The following KANK2 variants were observed in gnomAD, a reference collection of about 807,000 sequenced individuals.
The protein encoded by KANK2 is KN motif and ankyrin repeat domains 2.
KANK2 carries 41 observed loss-of-function variants against 74.6 expected under a neutral mutation model. The ratio of observed to expected loss-of-function variants is 0.55; its 90% confidence interval spans 0.43 to 0.71. KANK2 has a LOEUF of 0.71. KANK2 is among the 30% of genes least tolerant of loss of function. The probability of loss-of-function intolerance (pLI) is 0.00; values close to 1 mark genes in which losing one functional copy is unlikely to be tolerated. For synonymous variants in KANK2, 537 were observed against 519.0 expected, an observed-to-expected ratio of 1.03 and a Z score of -0.47; for missense variants, 1,148 against 1,196.4, an observed-to-expected ratio of 0.96 and a Z score of 0.60.
intron 4 of KANK2, among the ~76,000 whole-genome samples, chr19:11,191,644 C>A (rs1333888130): frequency 6.6e-6 from 1 of 152,234 alleles, no homozygotes; most frequent in Non-Finnish European, 1.5e-5. Flanking sequence ...GGATCTCCCT[C>A]TCCACTAAAC....
At chr19:11,183,708 T>G (rs1600817523) in intron 4 of KANK2, among the ~76,000 whole-genome samples, 2 of 150,302 alleles carry the variant, frequency 1.3e-5, no homozygotes, top group Admixed American at 6.7e-5. Flanking sequence ...TGAAGTGGAG[T>G]GGAGCCATCT....
intron 4 of KANK2, chr19:11,192,431 CTT>C (rs34285924): frequency 0.013 from 2,022 of 158,820 alleles, 4 homozygotes; most frequent in African/African-American, 0.029. Context: ...CCTTGGCATT[CTT>C]TTTTTTTTTT....
At chr19:11,173,223 C>G (rs1213557536) in intron 9 of KANK2, 100 bp from the exon 10 acceptor site, 1 of 1,266,396 alleles carries the variant, frequency 7.9e-7, no homozygotes, top group African/African-American at 1.5e-5. Flanking sequence ...TAGGCATGCC[C>G]TAATCCCTCC....
intron 7 of KANK2, among the ~76,000 whole-genome samples, 156 bp downstream of exon 7, chr19:11,176,422 C>T (rs1392082823): frequency 6.6e-6 from 1 of 152,222 alleles, no homozygotes; most frequent in Non-Finnish European, 1.5e-5. Context: ...TCCAGAACTT[C>T]AGATGCCCAG....
chr19:11,175,997 G>A lies in KANK2; in HGVS notation c.1761-8C>T. Reference sequence around the variant, plus strand: ...TCAGGGCTTAGCTCCATCCTGCCAGGAACAGACAAAGCGGGGAACTAAGTA... The same window carrying A: ...TCAGGGCTTAGCTCCATCCTGCCAGAAACAGACAAAGCGGGGAACTAAGTA... On this transcript the variant is annotated splice_polypyrimidine_tract_variant and splice_region_variant and intron_variant, in intron 7 of 12. Transcript: ENST00000586659. 2 of 1,611,580 alleles carry A rather than the reference G, an allele frequency of 1.2e-6. No individual in the cohort carries two copies. The highest frequency in any genetic ancestry group is 1.7e-6 in the Non-Finnish European group (2 of 1,178,342).
intron 3 of KANK2, 50 bp downstream of exon 3, chr19:11,194,425 C>T: frequency 6.6e-7 from 1 of 1,521,120 alleles, no homozygotes; most frequent in African/African-American, 1.4e-5. Context: ...CCTCAGGCCT[C>T]CAGAACTGAA....
rs1375608391 is a variant in KANK2, at chr19:11,164,639, A to G, written c.*1919T>C. On this transcript the variant is annotated 3_prime_UTR_variant, in exon 13 of 13. Coordinates refer to ENST00000586659, the MANE Select transcript of KANK2 (RefSeq NM_001136191.3). The stretch of plus-strand genomic sequence containing the variant: ...CTGCGACCTTCCCCCTCAGACACCC[A>G]CAATTAATTGTTTCCAATCAGCTTT... The G allele has an allele frequency of 3.3e-5, 5 of 152,072 alleles. No homozygotes were observed. Among genetic ancestry groups the G allele is most frequent in the Non-Finnish European group, 7.4e-5 (5 of 68,024 alleles). The allele number at this position is 152,072 out of a possible 1,614,324, so 9.4% of individuals were successfully genotyped here.
chr19:11,172,494 C>T (rs2078205962), intron 10 of KANK2, among the ~76,000 whole-genome samples: 1 of 152,086 alleles, frequency 6.6e-6, no homozygotes, highest in African/African-American at 2.4e-5. Context: ...TCATAAGCCC[C>T]AGTCACCTCC....
rs745802709 is a variant in KANK2 at position 11,193,819 on chromosome 19, C to T, written c.261G>A (p.Leu87=). ...GGCTGTCCCCACTGGCATTGGAGCA[C>T]AGCGACTCAGTGGACGTCCACCAGG... ...PGSWWTSTES[L]CSNASGDSRH... Residue 87 remains leucine, a synonymous_variant, in exon 4 of 13, where the codon CTG becomes CTA. Transcript: ENST00000586659. The surrounding 1 kb of genome is among the most constrained non-coding windows in gnomAD (Gnocchi z 9.6). 1 of 1,612,686 alleles carries T rather than the reference C, an allele frequency of 6.2e-7. No individual in the cohort carries two copies. Among genetic ancestry groups the T allele is most frequent in the Non-Finnish European group, 8.5e-7 (1 of 1,179,644 alleles).
Position 11,174,210 on chromosome 19 carries a change from G to A in KANK2, c.2068+263C>T, listed in dbSNP as rs390458. Among the ~76,000 whole-genome samples, 79,951 of 151,970 alleles carry A rather than the reference G, an allele frequency of 0.53. 21,555 individuals are homozygous for A. The highest frequency in any genetic ancestry group is 0.58 in the Non-Finnish European group (39,302 of 67,916). On this transcript the variant is annotated intron_variant, in intron 9 of 12. Transcript: ENST00000586659. Reference sequence around the variant, plus strand: ...GGCATCTCCTCCATCAGACTGGGAGGGCCATATACCCCACCCCATTGAACT... The same window carrying A: ...GGCATCTCCTCCATCAGACTGGGAGAGCCATATACCCCACCCCATTGAACT...
chr19:11,176,383 A>G (rs750405321), intron 7 of KANK2, among the ~76,000 whole-genome samples, 195 bp downstream of exon 7: 1 of 152,202 alleles, frequency 6.6e-6, no homozygotes, highest in Non-Finnish European at 1.5e-5. Context: ...GCAGCCCAAA[A>G]TAGTTCCACC....
intron 6 of KANK2, among the ~76,000 whole-genome samples, chr19:11,177,861 C>G (rs75395371): frequency 1.6e-4 from 24 of 152,098 alleles, no homozygotes; most frequent in African/African-American, 5.6e-4. Context: ...TGTGCCCCTG[C>G]CAGAAGAGCC....
chr19:11,192,998 C>G lies in KANK2; in HGVS notation c.1082G>C (p.Gly361Ala). 2.5e-6 allele frequency: 4 copies of G among 1,613,898 alleles called. No individual in the cohort carries two copies. Among genetic ancestry groups the G allele is most frequent in the Non-Finnish European group, 3.4e-6 (4 of 1,179,948 alleles). ...CATTGCCAGGGCCCTCAGCCCTGTG[C>G]CGTAAGGCTCCAGGCTCTGGGCCCG... ...AQRAQSLEPY[G>A]TGLRALAMPG... Residue 361 changes from glycine (G) to alanine (A), a missense_variant, in exon 4 of 13, where the codon GGC becomes GCC. Transcript: ENST00000586659.
At chr19:11,178,003 C>T (rs187759310) in intron 6 of KANK2, among the ~76,000 whole-genome samples, 29 of 152,252 alleles carry the variant, frequency 1.9e-4, no homozygotes, top group South Asian at 6.2e-4. Context: ...TTCCCCATCA[C>T]GGCTCCAACC....
At chr19:11,185,972 A>AGCCTAACT (rs1352502466) in intron 4 of KANK2, among the ~76,000 whole-genome samples, 1 of 152,258 alleles carries the variant, frequency 6.6e-6, no homozygotes, top group East Asian at 1.9e-4. Flanking sequence ...TTTAGGCTGC[A>AGCCTAACT]GTGAACTGTG....
intron 4 of KANK2, among the ~76,000 whole-genome samples, chr19:11,186,741 T>C (rs946855115): frequency 2.6e-5 from 4 of 152,068 alleles, no homozygotes; most frequent in African/African-American, 9.7e-5. Context: ...TAAAGCCATA[T>C]GTTGGTGAGG....
chr19:11,174,600 C>A lies in KANK2; in HGVS notation c.1941G>T (p.Thr647=), dbSNP rs761812391. 2.5e-6 allele frequency: 4 copies of A among 1,612,912 alleles called. No homozygotes were observed. The highest frequency in any genetic ancestry group is 2.5e-6 in the Non-Finnish European group (3 of 1,179,814). Residue 647 remains threonine, a synonymous_variant, in exon 9 of 13, where the codon ACG becomes ACT. Transcript: ENST00000586659. The part of the protein sequence containing the change: ...HPELVRRHLV[T]FRAMSARLLD... ...GCAGCCGCGCAGACATGGCCCGGAA[C>A]GTGACCAGGTGCCGCCGCACCAGCT...
chr19:11,186,058 A>T (rs2078665679), intron 4 of KANK2, among the ~76,000 whole-genome samples: 1 of 151,794 alleles, frequency 6.6e-6, no homozygotes, highest in Non-Finnish European at 1.5e-5. Flanking sequence ...ATGAGGAGAT[A>T]CCATTATGTA....
chr19:11,186,614 G>A (rs992809603), intron 4 of KANK2, among the ~76,000 whole-genome samples: 3 of 151,940 alleles, frequency 2.0e-5, no homozygotes, highest in Non-Finnish European at 2.9e-5. Context: ...CAGGAGAATC[G>A]CTTGAACCCG....
Sources: allele counts gnomAD v4.1 joint callset (sites outside exome capture counted in the v4.1 genomes callset), GRCh38; gene constraint gnomAD v4.1.1; non-coding constraint Gnocchi (gnomAD v3.1); transcripts MANE v1.5; gene names NCBI Gene and HGNC (gene_info 2026-07-23, HGNC 2026-07-21).